The following CDH12 variants were observed in gnomAD, a reference collection of about 807,000 sequenced individuals.
The protein encoded by CDH12 is cadherin-12.
CDH12 carries 41 observed loss-of-function variants against 74.1 expected under a neutral mutation model. The observed-to-expected ratio is 0.55, with a 90% CI of 0.43 to 0.72. The LOEUF (loss-of-function observed/expected upper bound fraction) is 0.72, where lower values mean the gene tolerates loss of function less well. CDH12 is among the 30% of genes least tolerant of loss of function. The pLI is 0.00. For missense variants in CDH12, 945 were observed against 977.2 expected (o/e 0.97, Z 0.44); for synonymous variants, 399 against 355.0 (o/e 1.12, Z -1.39).
chr5:21,814,683 A>G (rs1747945158), intron 9 of CDH12, among the ~76,000 whole-genome samples: 1 of 150,410 alleles, frequency 6.6e-6, no homozygotes, highest in Admixed American at 6.6e-5. Flanking sequence ...ATATATATAA[A>G]GTATATCTAG....
At chr5:22,461,750 T>G (rs1246792301) in intron 2 of CDH12, among the ~76,000 whole-genome samples, 1 of 151,782 alleles carries the variant, frequency 6.6e-6, no homozygotes, top group African/African-American at 2.4e-5. Flanking sequence ...ATTATTTATT[T>G]ATATATTTAC....
At chr5:22,637,242 T>C (rs1054224938) in intron 1 of CDH12, among the ~76,000 whole-genome samples, 6 of 152,236 alleles carry the variant, frequency 3.9e-5, no homozygotes, top group Middle Eastern at 3.2e-3. Flanking sequence ...GCTACAATTA[T>C]TCCAAAAGAG....
chr5:22,848,817 T>A (rs1193540315), intron 1 of CDH12, among the ~76,000 whole-genome samples: 2 of 152,208 alleles, frequency 1.3e-5, no homozygotes, highest in Admixed American at 1.3e-4. Context: ...AGTCTAATTG[T>A]TATATTTTGT....
At chr5:22,106,108 A>G (rs1385025649) in intron 4 of CDH12, among the ~76,000 whole-genome samples, 1 of 152,136 alleles carries the variant, frequency 6.6e-6, no homozygotes, top group East Asian at 1.9e-4. Flanking sequence ...GAAGGAAACC[A>G]TAGACACTGG....
intron 1 of CDH12, among the ~76,000 whole-genome samples, chr5:22,696,997 T>C (rs1350093734): frequency 6.6e-6 from 1 of 152,020 alleles, no homozygotes; most frequent in Non-Finnish European, 1.5e-5. Context: ...TAACCCAGAT[T>C]GAAGTTATTT....
At chr5:22,308,446 T>C (rs1738222804) in intron 3 of CDH12, among the ~76,000 whole-genome samples, 1 of 152,146 alleles carries the variant, frequency 6.6e-6, no homozygotes, top group Non-Finnish European at 1.5e-5. Context: ...GTTACCTTTA[T>C]TAACCATTAG....
At chr5:22,826,262 C>T (rs1034729345) in intron 1 of CDH12, among the ~76,000 whole-genome samples, 7 of 152,084 alleles carry the variant, frequency 4.6e-5, no homozygotes, top group African/African-American at 1.4e-4. Flanking sequence ...TCGTTCTTTG[C>T]CTGCTGCCAT....
chr5:22,524,146 C>T (rs1388047788), intron 1 of CDH12, among the ~76,000 whole-genome samples: 3 of 151,922 alleles, frequency 2.0e-5, no homozygotes, highest in Non-Finnish European at 4.4e-5. Flanking sequence ...CCATATCTGG[C>T]TAATTTTTTG....
chr5:22,359,131 T>G (rs1740688646), intron 3 of CDH12, among the ~76,000 whole-genome samples: 2 of 152,160 alleles, frequency 1.3e-5, no homozygotes, highest in African/African-American at 4.8e-5. Context: ...AGACACAGAC[T>G]GGCAAACTGG....
chr5:21,865,392 G>A (rs1409563170), intron 6 of CDH12, among the ~76,000 whole-genome samples: 1 of 152,174 alleles, frequency 6.6e-6, no homozygotes, highest in Non-Finnish European at 1.5e-5. Context: ...ATGGAAAGAA[G>A]GGGGGCAGGT....
chr5:22,691,121 A>C (rs578193138), intron 1 of CDH12, among the ~76,000 whole-genome samples: 5 of 152,342 alleles, frequency 3.3e-5, no homozygotes, highest in East Asian at 1.9e-4. Context: ...TAAAATCATA[A>C]AGTGTTTTAA....
chr5:22,021,238 T>C (rs1287917827), intron 5 of CDH12, among the ~76,000 whole-genome samples: 1 of 152,202 alleles, frequency 6.6e-6, no homozygotes, highest in African/African-American at 2.4e-5. Context: ...GTACTTATGT[T>C]TGGAATTTTT....
intron 8 of CDH12, among the ~76,000 whole-genome samples, chr5:21,835,102 A>G (rs1749455600): frequency 6.6e-6 from 1 of 151,906 alleles, no homozygotes; most frequent in Non-Finnish European, 1.5e-5. Flanking sequence ...ATAGACTCTT[A>G]ACCAGACTTT....
chr5:21,792,972 G>T (rs1460117729), intron 10 of CDH12, among the ~76,000 whole-genome samples: 1 of 151,758 alleles, frequency 6.6e-6, no homozygotes, highest in Non-Finnish European at 1.5e-5. Flanking sequence ...AAGAATGTGT[G>T]CAGTAAACGT....
At chr5:22,634,095 A>G (rs1738714050) in intron 1 of CDH12, among the ~76,000 whole-genome samples, 1 of 152,138 alleles carries the variant, frequency 6.6e-6, no homozygotes, top group African/African-American at 2.4e-5. Context: ...CACTAAGACA[A>G]TTAACTTAAA....
At chr5:22,461,247 C>T (rs1431212094) in intron 2 of CDH12, among the ~76,000 whole-genome samples, 2 of 151,600 alleles carry the variant, frequency 1.3e-5, no homozygotes, top group African/African-American at 2.4e-5. Context: ...AGGGTGGTCT[C>T]GAACTCCTGA....
At chr5:21,995,025 G>A (rs1736196658) in intron 5 of CDH12, among the ~76,000 whole-genome samples, 1 of 152,094 alleles carries the variant, frequency 6.6e-6, no homozygotes, top group Non-Finnish European at 1.5e-5. Context: ...TTTATGAGCT[G>A]TAACACTCAC....
intron 6 of CDH12, among the ~76,000 whole-genome samples, chr5:21,954,681 A>G (rs535217782): frequency 6.6e-6 from 1 of 152,198 alleles, no homozygotes; most frequent in South Asian, 2.1e-4. Flanking sequence ...TAGATGTTTA[A>G]TGAGATCCTG....
At chr5:22,801,965 C>T (rs1581014303) in intron 1 of CDH12, among the ~76,000 whole-genome samples, 1 of 151,620 alleles carries the variant, frequency 6.6e-6, no homozygotes, top group Non-Finnish European at 1.5e-5. Context: ...TGTATGTGGA[C>T]CATCTAATAC....
Sources: gnomAD v4.1 joint callset for allele counts (sites outside exome capture counted in the v4.1 genomes callset) on GRCh38, gnomAD v4.1.1 for gene constraint, MANE v1.5 for transcripts, NCBI Gene and HGNC (gene_info 2026-07-23, HGNC 2026-07-21) for gene names.